The following DIAPH1 variants were observed in gnomAD, a reference collection of about 807,000 sequenced individuals.
DIAPH1 encodes diaphanous related formin 1.
A neutral mutation model predicts 140.7 loss-of-function variants in DIAPH1; 46 were observed. The ratio of observed to expected loss-of-function variants is 0.33; its 90% CI spans 0.26 to 0.42. The LOEUF (loss-of-function observed/expected upper bound fraction) is 0.42. Ranked by LOEUF, DIAPH1 falls within the 10% of genes least tolerant of loss-of-function variation. DIAPH1 has a pLI of 1.00. For missense variants in DIAPH1, 1,310 were observed against 1,558.7 expected, an observed-to-expected ratio of 0.84 and a Z score of 2.69; for synonymous variants, 565 against 551.6, an observed-to-expected ratio of 1.02 and a Z score of -0.34.
intron 1 of DIAPH1, among the ~76,000 whole-genome samples, chr5:141,607,230 T>G (rs774669036): frequency 6.6e-6 from 1 of 152,106 alleles, no homozygotes; most frequent in African/African-American, 2.4e-5. Context: ...TAAAGAACAT[T>G]TAGAAGAAAC....
chr5:141,554,908 T>TAC (rs1423348146), intron 18 of DIAPH1, among the ~76,000 whole-genome samples: 1 of 152,088 alleles, frequency 6.6e-6, no homozygotes, highest in Non-Finnish European at 1.5e-5. Context: ...TGTGTATATA[T>TAC]ACCAAAAGCT....
intron 1 of DIAPH1, among the ~76,000 whole-genome samples, chr5:141,605,332 T>G (rs904615860): frequency 6.6e-6 from 1 of 152,014 alleles, no homozygotes; most frequent in African/African-American, 2.4e-5. Context: ...ATAGAGATAA[T>G]GACTAAAATA....
At chr5:141,577,793 C>T (rs1016541569) in intron 11 of DIAPH1, among the ~76,000 whole-genome samples, 10 of 152,294 alleles carry the variant, frequency 6.6e-5, no homozygotes, top group African/African-American at 2.4e-4. Context: ...TGGTACTATA[C>T]ACACAGAGGA....
At position 141,528,688 on chromosome 5, in the gene DIAPH1, CCTCTT is replaced by C; in HGVS notation, c.3018+9_3018+13del. 1.2e-6 allele frequency: 2 copies of C among 1,614,246 alleles called. No individual in the cohort carries two copies. The highest frequency in any genetic ancestry group is 1.7e-6 in the Non-Finnish European group (2 of 1,180,050). ...GCCTTCCTTGTGTTGTCCTGCCCTA[CCTCTT>C]TGGCTCACCTTACAGAGGAAGCTGA... On this transcript the variant is annotated intron_variant, in intron 22 of 27. Coordinates refer to ENST00000389054, the MANE Select transcript of DIAPH1 (RefSeq NM_005219.5).
chr5:141,519,550 TAAG>T (rs1486876877), intron 27 of DIAPH1, among the ~76,000 whole-genome samples: 6 of 152,208 alleles, frequency 3.9e-5, no homozygotes, highest in Non-Finnish European at 7.3e-5. Context: ...TCCTCCAAAA[TAAG>T]AAGATACCAG....
Position 141,516,932 on chromosome 5 carries a change from A to G in DIAPH1, c.3738T>C (p.Val1246=). 1 of 1,614,264 alleles carries G rather than the reference A, an allele frequency of 6.2e-7. No homozygotes were observed. Residue 1246 remains valine (V), a synonymous_variant, in exon 28 of 28, where the codon GTT becomes GTC. Transcript: ENST00000389054. The part of the protein sequence containing the change: ...ELTKDDAMAA[V]PAKVSKNSET... ...CACTGTTCTTGGACACCTTGGCAGG[A>G]ACAGCAGCCATGGCATCATCCTTGG...
intron 15 of DIAPH1, 63 bp from the exon 16 acceptor site, chr5:141,574,271 G>A: frequency 1.3e-6 from 2 of 1,539,230 alleles, no homozygotes; most frequent in Non-Finnish European, 1.8e-6. Context: ...GGGACTGGAA[G>A]GAACCTAATA....
rs983338007 is a variant in DIAPH1 at position 141,528,837 on chromosome 5, A to G, written c.2883T>C (p.Thr961=). The change falls in exon 22 of 28, where the codon ACT becomes ACC. Residue 961 remains threonine, a synonymous_variant. Coordinates refer to ENST00000389054, the MANE Select transcript of DIAPH1 (RefSeq NM_005219.5). ...TCTTACGTAACTCCTCACATGCAGC[A>G]GTGACAGACACAATCTCTGGCTTGA... ...ENIKPEIVSV[T]AACEELRKSE... The G allele has an allele frequency of 6.2e-7, 1 of 1,614,152 alleles. No homozygotes were observed. The highest frequency in any genetic ancestry group is 8.5e-7 in the Non-Finnish European group (1 of 1,180,060).
intron 26 of DIAPH1, 60 bp from the exon 27 acceptor site, chr5:141,524,289 C>T: frequency 6.7e-7 from 1 of 1,490,696 alleles, no homozygotes; most frequent in South Asian, 1.1e-5. Flanking sequence ...TGGCAAATAT[C>T]AAGCCCCACA....
intron 18 of DIAPH1, among the ~76,000 whole-genome samples, chr5:141,543,245 A>G (rs1392113181): frequency 6.6e-6 from 1 of 152,206 alleles, no homozygotes; most frequent in Non-Finnish European, 1.5e-5. Flanking sequence ...CATCATGATT[A>G]GTGAAAGAAG....
intron 18 of DIAPH1, among the ~76,000 whole-genome samples, chr5:141,562,111 C>G (rs1468734865): frequency 1.3e-5 from 2 of 151,984 alleles, no homozygotes; most frequent in African/African-American, 4.8e-5. Context: ...ATGTGGGTAA[C>G]TAACTCTTCA....
chr5:141,573,931 G>A lies in DIAPH1; in HGVS notation c.1919C>T (p.Ser640Phe). Residue 640 changes from serine (S) to phenylalanine (F), a missense_variant, in exon 16 of 28, where the codon TCT becomes TTT. Transcript: ENST00000389054. ...PPSLPGGTAI[S>F]PPPPLSGDAT... ...ATCCCCAGACAAAGGAGGGGGTGGA[G>A]AGATAGCAGTACCTCCAGGTAAAGA... 6.4e-7 allele frequency: 1 copy of A among 1,552,174 alleles called. No individual in the cohort carries two copies.
At chr5:141,552,132 G>A (rs964481133) in intron 18 of DIAPH1, among the ~76,000 whole-genome samples, 2 of 152,030 alleles carry the variant, frequency 1.3e-5, no homozygotes, top group Non-Finnish European at 2.9e-5. Flanking sequence ...AGGATCTTGA[G>A]ATGACAGGAT....
chr5:141,576,099 C>A (rs1346559609), intron 14 of DIAPH1, 131 bp downstream of exon 14: 1 of 767,650 alleles, frequency 1.3e-6, no homozygotes, highest in Non-Finnish European at 2.3e-6. Flanking sequence ...AAGGTTTCCC[C>A]TGGGAACTAC....
chr5:141,547,192 A>C (rs1347703354), intron 18 of DIAPH1, among the ~76,000 whole-genome samples: 3 of 152,248 alleles, frequency 2.0e-5, no homozygotes, highest in African/African-American at 7.2e-5. Flanking sequence ...AAATCTATGA[A>C]CATTCAGCCA....
intron 1 of DIAPH1, among the ~76,000 whole-genome samples, chr5:141,614,225 G>T (rs998701156): frequency 2.6e-5 from 4 of 152,030 alleles, no homozygotes; most frequent in African/African-American, 9.7e-5. Flanking sequence ...ATATAAACCT[G>T]CATATACAAA....
rs563864170 is a variant in DIAPH1 at position 141,596,593 on chromosome 5, TTAA to T, written c.118-8346_118-8344del. ...CAATATAAAAAAGTAAAATATTTCA[TTAA>T]TAATTTTTATATTTCATTCATATTG... On this transcript the variant is annotated intron_variant, in intron 1 of 27. Transcript: ENST00000389054. Among the ~76,000 whole-genome samples the T allele has an allele frequency of 6.9e-4, 105 of 152,298 alleles. 1 individual carries two copies. The highest frequency in any genetic ancestry group is 1.7e-3 in the African/African-American group (72 of 41,584).
chr5:141,526,251 G>A (rs1370041461), intron 25 of DIAPH1, 46 bp downstream of exon 25: 14 of 1,614,052 alleles, frequency 8.7e-6, no homozygotes, highest in African/African-American at 1.3e-5. Context: ...AGGGGAAAGT[G>A]AGAAATGCCC....
chr5:141,599,003 C>T (rs2099899742), intron 1 of DIAPH1, among the ~76,000 whole-genome samples: 1 of 152,162 alleles, frequency 6.6e-6, no homozygotes, highest in Admixed American at 6.5e-5. Context: ...GAGACTGATT[C>T]ACCTCTACTT....
Sources: gnomAD v4.1 joint callset for allele counts (sites outside exome capture counted in the v4.1 genomes callset) on GRCh38, gnomAD v4.1.1 for gene constraint, MANE v1.5 for transcripts, NCBI Gene and HGNC (gene_info 2026-07-23, HGNC 2026-07-21) for gene names.